SIK3: variants seen among roughly 807,000 people sequenced by gnomAD.
The protein encoded by SIK3 is serine/threonine-protein kinase SIK3.
A neutral mutation model predicts 144.2 loss-of-function variants in SIK3; 28 were observed. The ratio of observed to expected loss-of-function variants is 0.19; its 90% CI spans 0.14 to 0.27. The LOEUF (loss-of-function observed/expected upper bound fraction) is 0.27. Ranked by LOEUF, SIK3 falls within the 10% of genes least tolerant of loss-of-function variation. The pLI is 1.00. For missense variants in SIK3, 1,319 were observed against 1,776.0 expected, an observed-to-expected ratio of 0.74 and a Z score of 4.62; for synonymous variants, 686 against 676.3, an observed-to-expected ratio of 1.01 and a Z score of -0.22.
intron 4 of SIK3, among the ~76,000 whole-genome samples, chr11:116,901,577 A>G (rs1367034991): frequency 6.6e-6 from 1 of 152,206 alleles, no homozygotes; most frequent in Non-Finnish European, 1.5e-5. Flanking sequence ...TGGATCCCCT[A>G]CAAGAAATGT....
intron 4 of SIK3, among the ~76,000 whole-genome samples, chr11:116,910,633 G>C (rs1405296281): frequency 6.6e-6 from 1 of 152,128 alleles, no homozygotes; most frequent in Non-Finnish European, 1.5e-5. Context: ...GAAAGAGAAA[G>C]GGACAAGGCC....
intron 1 of SIK3, 23 bp from the exon 2 acceptor site, chr11:116,957,087 T>TA: frequency 7.2e-7 from 1 of 1,379,938 alleles, no homozygotes. Flanking sequence ...GGAAAAAAAT[T>TA]ACTCTGATGC....
At chr11:117,083,140 A>C (rs979925053) in intron 1 of SIK3, among the ~76,000 whole-genome samples, 2 of 152,196 alleles carry the variant, frequency 1.3e-5, no homozygotes, top group Non-Finnish European at 2.9e-5. Context: ...CGAGGTTGTG[A>C]CTTGGTATAA....
intron 4 of SIK3, among the ~76,000 whole-genome samples, chr11:116,903,200 G>A (rs966171345): frequency 6.6e-6 from 1 of 152,226 alleles, no homozygotes; most frequent in African/African-American, 2.4e-5. Context: ...CTGAGTAACT[G>A]TGATGGGAGA....
At chr11:116,980,785 G>C (rs1950113560) in intron 1 of SIK3, among the ~76,000 whole-genome samples, 1 of 152,006 alleles carries the variant, frequency 6.6e-6, no homozygotes, top group Non-Finnish European at 1.5e-5. Flanking sequence ...CTAGGAGGCG[G>C]AGGCTGCAGT....
chr11:116,921,521 A>G (rs552278645), intron 4 of SIK3, among the ~76,000 whole-genome samples: 34 of 152,256 alleles, frequency 2.2e-4, no homozygotes, highest in African/African-American at 8.2e-4. Context: ...TAGAAATAAA[A>G]TTCTTTTTTT....
At chr11:117,082,962 A>G (rs1954853135) in intron 1 of SIK3, among the ~76,000 whole-genome samples, 1 of 152,170 alleles carries the variant, frequency 6.6e-6, no homozygotes, top group African/African-American at 2.4e-5. Context: ...AAGGTTCCAC[A>G]AAGAGCTGGA....
At chr11:116,927,699 A>G (rs538443934) in intron 3 of SIK3, among the ~76,000 whole-genome samples, 3 of 152,336 alleles carry the variant, frequency 2.0e-5, no homozygotes, top group South Asian at 4.1e-4. Flanking sequence ...TCCTCACTGC[A>G]GAAGACTGCA....
chr11:116,962,204 A>C (rs562985743), intron 1 of SIK3, among the ~76,000 whole-genome samples: 1 of 152,296 alleles, frequency 6.6e-6, no homozygotes, highest in Non-Finnish European at 1.5e-5. Context: ...ACCCTTCCCC[A>C]TCAGAAATAA....
At chr11:116,887,861 CT>C (rs979257807) in intron 6 of SIK3, among the ~76,000 whole-genome samples, 10 of 152,132 alleles carry the variant, frequency 6.6e-5, no homozygotes. Flanking sequence ...CAAATAAATC[CT>C]CTTTTAAATG....
At chr11:116,954,004 T>G in intron 3 of SIK3, 40 bp downstream of exon 3, 2 of 1,547,114 alleles carry the variant, frequency 1.3e-6, no homozygotes, top group South Asian at 2.2e-5. Flanking sequence ...TGCCATAGTG[T>G]GCTCAATAGC....
intron 4 of SIK3, among the ~76,000 whole-genome samples, chr11:116,906,365 C>T (rs1021462250): frequency 1.6e-4 from 25 of 151,958 alleles, no homozygotes; most frequent in African/African-American, 6.0e-4. Context: ...TCTTTATGTC[C>T]TGAGTTTGAG....
intron 14 of SIK3, 88 bp from the exon 15 acceptor site, chr11:116,868,177 T>A: frequency 2.0e-6 from 3 of 1,503,184 alleles, no homozygotes; most frequent in Non-Finnish European, 2.7e-6. Context: ...TCCAAAGCAC[T>A]CAATGAAATA....
intron 1 of SIK3, among the ~76,000 whole-genome samples, chr11:116,964,213 C>T (rs1421732291): frequency 6.6e-6 from 1 of 152,096 alleles, no homozygotes; most frequent in East Asian, 1.9e-4. Flanking sequence ...CAGGGTCTCA[C>T]TATGTTGCCC....
chr11:116,846,356 T>C lies in SIK3; in HGVS notation c.*13+27A>G. On this transcript the variant is annotated intron_variant, in intron 24 of 24. Transcript: ENST00000445177. The surrounding 1 kb of genome is among the most constrained non-coding windows in gnomAD (Gnocchi z 4.1). ...AGCAGGCACTGGGCCACAGGGCTGG[T>C]TTGGCTCTGGCCAGGGTGACACTCA... 2 of 1,606,574 alleles carry C rather than the reference T, an allele frequency of 1.2e-6. No individual in the cohort carries two copies. The highest frequency in any genetic ancestry group is 1.7e-6 in the Non-Finnish European group (2 of 1,175,936).
At chr11:116,988,426 G>A (rs925110945) in intron 1 of SIK3, among the ~76,000 whole-genome samples, 2 of 151,704 alleles carry the variant, frequency 1.3e-5, no homozygotes, top group Non-Finnish European at 2.9e-5. Flanking sequence ...ACTTTCTAAT[G>A]ATAATTTTTA....
At chr11:117,047,794 G>T (rs1953037288) in intron 1 of SIK3, among the ~76,000 whole-genome samples, 1 of 152,084 alleles carries the variant, frequency 6.6e-6, no homozygotes, top group Admixed American at 6.6e-5. Context: ...ATAAAAAATA[G>T]TAACAATATA....
At chr11:117,052,998 T>C (rs752432796) in intron 1 of SIK3, among the ~76,000 whole-genome samples, 7 of 152,106 alleles carry the variant, frequency 4.6e-5, no homozygotes, top group Non-Finnish European at 8.8e-5. Flanking sequence ...ATGATTAAAA[T>C]AGCCCACCTT....
In SIK3 at chr11:116,991,441, T is replaced by C. The variant is rs2135558886; in HGVS notation, c.274-34377A>G. On this transcript the variant is annotated intron_variant, in intron 1 of 24. Transcript: ENST00000445177. ...CAGTATGGGCAATAGAGCAAGGCGC[T>C]GTCTCAAAACAAACAAAAACCCCTG... Among the ~76,000 whole-genome samples, 3 of 152,298 alleles carry C rather than the reference T, an allele frequency of 2.0e-5. No homozygotes were observed. In the East Asian group the frequency reaches 5.8e-4, roughly 29 times the overall value.
Sources: gnomAD v4.1 joint callset for allele counts (sites outside exome capture counted in the v4.1 genomes callset) on GRCh38, gnomAD v4.1.1 for gene constraint, Gnocchi (gnomAD v3.1) non-coding constraint, MANE v1.5 for transcripts, NCBI Gene and HGNC (gene_info 2026-07-23, HGNC 2026-07-21) for gene names.